PSTPIP2: variants seen among roughly 807,000 people sequenced by gnomAD.
PSTPIP2 encodes the protein proline-serine-threonine phosphatase-interacting protein 2.
PSTPIP2 carries 33 observed loss-of-function variants against 63.3 expected under a neutral mutation model. That is an observed-to-expected ratio of 0.52 (90% CI 0.40 to 0.70). PSTPIP2 has a LOEUF of 0.70. Ranked by LOEUF, PSTPIP2 falls within the 30% of genes least tolerant of loss-of-function variation. The probability of loss-of-function intolerance (pLI) is 0.00; values close to 1 mark genes in which losing one functional copy is unlikely to be tolerated. For missense variants in PSTPIP2, 312 were observed against 400.7 expected, an observed-to-expected ratio of 0.78 and a Z score of 1.89; for synonymous variants, 125 against 132.7, an observed-to-expected ratio of 0.94 and a Z score of 0.40.
intron 2 of PSTPIP2, among the ~76,000 whole-genome samples, chr18:46,027,939 T>A (rs1441139407): frequency 6.6e-6 from 1 of 152,174 alleles, no homozygotes; most frequent in Non-Finnish European, 1.5e-5. Flanking sequence ...GGCAGGCGGA[T>A]CAGTTGAAGA....
At chr18:45,987,309 A>G (rs1188285966) in intron 14 of PSTPIP2, among the ~76,000 whole-genome samples, 1 of 152,188 alleles carries the variant, frequency 6.6e-6, no homozygotes, top group Non-Finnish European at 1.5e-5. Context: ...GCACTGTTAA[A>G]ATCTGTTTAG....
rs1407177388 is a variant in PSTPIP2 at position 45,985,338 on chromosome 18, T to C, written c.*121A>G. ...TAAATTTTAAATCTCTAAAAAATTA[T>C]AGCAAGGGTTCACTTCAAAGTCTTC... On this transcript the variant is annotated 3_prime_UTR_variant, in exon 15 of 15. Coordinates refer to ENST00000409746, the MANE Select transcript of PSTPIP2 (RefSeq NM_024430.4). The C allele has an allele frequency of 2.4e-5, 33 of 1,367,530 alleles. No homozygotes were observed. Among genetic ancestry groups the C allele is most frequent in the African/African-American group, 4.5e-5 (3 of 66,022 alleles). 84.7% of individuals were successfully genotyped at this position (1,367,530 alleles called of 1,614,324 possible).
At chr18:46,032,564 G>C (rs1213048515) in intron 2 of PSTPIP2, among the ~76,000 whole-genome samples, 1 of 151,816 alleles carries the variant, frequency 6.6e-6, no homozygotes, top group East Asian at 1.9e-4. Flanking sequence ...GACTACCCTG[G>C]CTAAAATGGT....
At chr18:46,026,400 T>C (rs892070290) in intron 2 of PSTPIP2, among the ~76,000 whole-genome samples, 1 of 152,250 alleles carries the variant, frequency 6.6e-6, no homozygotes, top group Non-Finnish European at 1.5e-5. Flanking sequence ...ACTTTTTAAC[T>C]GAGCATTTTG....
chr18:46,069,392 A>T (rs1169130488), intron 1 of PSTPIP2, among the ~76,000 whole-genome samples: 1 of 152,228 alleles, frequency 6.6e-6, no homozygotes, highest in Non-Finnish European at 1.5e-5. Flanking sequence ...AAGTGCCACA[A>T]AGAAGGTATA....
chr18:46,067,285 G>A (rs1329015764), intron 1 of PSTPIP2, among the ~76,000 whole-genome samples: 1 of 151,796 alleles, frequency 6.6e-6, no homozygotes, highest in Non-Finnish European at 1.5e-5. Context: ...GGCGGATCAC[G>A]AGATCAGGAG....
chr18:46,016,417 G>A (rs2051852906), intron 3 of PSTPIP2, among the ~76,000 whole-genome samples: 1 of 152,114 alleles, frequency 6.6e-6, no homozygotes, highest in African/African-American at 2.4e-5. Context: ...GGCAACAAAG[G>A]AAGGGTTCAA....
intron 3 of PSTPIP2, among the ~76,000 whole-genome samples, chr18:46,020,209 C>A (rs1907293614): frequency 6.6e-6 from 1 of 152,204 alleles, no homozygotes; most frequent in South Asian, 2.1e-4. Flanking sequence ...ACCCTCTCTT[C>A]TCCACAGTGT....
At chr18:46,036,516 C>T (rs1345481439) in intron 2 of PSTPIP2, among the ~76,000 whole-genome samples, 3 of 152,146 alleles carry the variant, frequency 2.0e-5, no homozygotes, top group African/African-American at 7.2e-5. Flanking sequence ...ACCCTCTGAG[C>T]TAACCTTATT....
intron 1 of PSTPIP2, among the ~76,000 whole-genome samples, chr18:46,053,364 T>G (rs1480946120): frequency 6.6e-6 from 1 of 152,192 alleles, no homozygotes; most frequent in Admixed American, 6.5e-5. Context: ...TTTTATATAT[T>G]CAAATTTCAG....
intron 1 of PSTPIP2, among the ~76,000 whole-genome samples, chr18:46,043,837 T>C (rs1427147179): frequency 6.6e-6 from 1 of 152,176 alleles, no homozygotes; most frequent in East Asian, 1.9e-4. Context: ...TCTATTGTAT[T>C]TCTATATACC....
chr18:46,045,877 G>A (rs751576017), intron 1 of PSTPIP2, among the ~76,000 whole-genome samples: 1 of 152,174 alleles, frequency 6.6e-6, no homozygotes, highest in African/African-American at 2.4e-5. Context: ...GAGCCCAGGA[G>A]GTTGAGGCTG....
intron 1 of PSTPIP2, among the ~76,000 whole-genome samples, chr18:46,043,323 C>T (rs1340198355): frequency 6.8e-6 from 1 of 147,770 alleles, no homozygotes; most frequent in South Asian, 2.1e-4. Flanking sequence ...CCTGGGAGAT[C>T]GAGGCTGCAG....
chr18:46,049,261 G>A (rs78242581), intron 1 of PSTPIP2, among the ~76,000 whole-genome samples: 2 of 152,008 alleles, frequency 1.3e-5, no homozygotes, highest in South Asian at 2.1e-4. Flanking sequence ...GCGAAATGAT[G>A]AGAACACATG....
chr18:46,010,313 G>A lies in PSTPIP2; in HGVS notation c.354+868C>T, dbSNP rs540250053. ...AGGAAAGGTTTCCAAAGGGACCCCC[G>A]GGCAGGGTGAAAGAGGTCACCAAAA... On this transcript the variant is annotated intron_variant, in intron 5 of 14. Coordinates refer to ENST00000409746, the MANE Select transcript of PSTPIP2 (RefSeq NM_024430.4). Among the ~76,000 whole-genome samples the A allele has an allele frequency of 1.5e-4, 23 of 152,310 alleles. No individual in the cohort carries two copies. In the South Asian group the frequency reaches 3.9e-3, roughly 26 times the overall value.
intron 2 of PSTPIP2, chr18:46,029,217 G>A (rs747789200): frequency 1.2e-5 from 13 of 1,069,932 alleles, no homozygotes; most frequent in Non-Finnish European, 1.7e-5. Flanking sequence ...CAAGTGAGAG[G>A]TTTGAAAGAA....
At chr18:46,041,358 T>A (rs1390164885) in intron 1 of PSTPIP2, among the ~76,000 whole-genome samples, 1 of 152,174 alleles carries the variant, frequency 6.6e-6, no homozygotes, top group Non-Finnish European at 1.5e-5. Context: ...GTGATCCTCC[T>A]GCCTCAGCCT....
In PSTPIP2 at chr18:45,998,858, A is replaced by C. The variant is rs1373682009; in HGVS notation, c.517-19T>G. 6.2e-7 allele frequency: 1 copy of C among 1,613,794 alleles called. No individual in the cohort carries two copies. The highest frequency in any genetic ancestry group is 8.5e-7 in the Non-Finnish European group (1 of 1,180,006). The stretch of plus-strand genomic sequence containing the variant: ...CAAAAAGCTGTGAAAACAAACAAAC[A>C]AACAAAAAAAGAGCAAGCATTGGGA... On this transcript the variant is annotated intron_variant, in intron 7 of 14. Coordinates refer to ENST00000409746, the MANE Select transcript of PSTPIP2 (RefSeq NM_024430.4).
intron 1 of PSTPIP2, among the ~76,000 whole-genome samples, chr18:46,056,619 C>G (rs529678673): frequency 6.6e-6 from 1 of 152,076 alleles, no homozygotes. Context: ...CCCAGCTACT[C>G]CGGGGGCTGA....
Sources: gnomAD v4.1 joint callset for allele counts (sites outside exome capture counted in the v4.1 genomes callset) on GRCh38, gnomAD v4.1.1 for gene constraint, MANE v1.5 for transcripts, NCBI Gene and HGNC (gene_info 2026-07-23, HGNC 2026-07-21) for gene names.